CATSPERB: variants seen among roughly 807,000 people sequenced by gnomAD.
The protein encoded by CATSPERB is cation channel sperm-associated auxiliary subunit beta.
A neutral mutation model predicts 128.3 loss-of-function variants in CATSPERB; 93 were observed. That is an observed-to-expected ratio of 0.72 (90% CI 0.61 to 0.86). CATSPERB has a LOEUF of 0.86. Among genes scored for constraint, CATSPERB ranks in the 40% least tolerant of loss-of-function variants. The pLI is 0.00. For missense variants in CATSPERB, 1,153 were observed against 1,329.5 expected (o/e 0.87, Z 2.06); for synonymous variants, 381 against 448.8 (o/e 0.85, Z 1.91).
chr14:91,586,321 A>G lies in CATSPERB; in HGVS notation c.3132+881T>C, dbSNP rs137932329. 4.1e-4 allele frequency among the ~76,000 whole-genome samples: 63 copies of G among 152,200 alleles called. 1 individual carries two copies. In the East Asian group the frequency reaches 0.01, roughly 25 times the overall value. The stretch of plus-strand genomic sequence containing the variant: ...CTGTGCTATTGTGCTGTTCCCCACA[A>G]CCAGGGCTGCTCTTGGGCCAAAGAG... On this transcript the variant is annotated intron_variant, in intron 26 of 26. Transcript: ENST00000256343.
At chr14:91,581,990 C>T (rs1416018586) in intron 26 of CATSPERB, among the ~76,000 whole-genome samples, 1 of 152,164 alleles carries the variant, frequency 6.6e-6, no homozygotes, top group Admixed American at 6.5e-5. Context: ...CCCAGTGACC[C>T]AAGGAGGTAG....
At chr14:91,658,354 T>G (rs1374410910) in intron 15 of CATSPERB, among the ~76,000 whole-genome samples, 2 of 151,758 alleles carry the variant, frequency 1.3e-5, no homozygotes, top group East Asian at 1.9e-4. Context: ...CTCACAGACA[T>G]AGAGAGTAGA....
At chr14:91,683,976 T>C in intron 10 of CATSPERB, 33 bp from the exon 11 acceptor site, 1 of 1,407,766 alleles carries the variant, frequency 7.1e-7, no homozygotes, top group East Asian at 2.3e-5. Context: ...ACTTAGCCAA[T>C]ATGTAGACTT....
chr14:91,609,515 A>G (rs958007970), intron 21 of CATSPERB, among the ~76,000 whole-genome samples: 1 of 152,178 alleles, frequency 6.6e-6, no homozygotes, highest in Admixed American at 6.5e-5. Flanking sequence ...TTATGCAGTT[A>G]TGATTTAATA....
intron 26 of CATSPERB, among the ~76,000 whole-genome samples, chr14:91,586,571 A>AGAGAGAGAAAGAGAGAG (rs374162982): frequency 0.031 from 3,580 of 113,956 alleles, 118 homozygotes; most frequent in Admixed American, 0.048. Context: ...GAGAGAGAGA[A>AGAGAGAGAAAGAGAGAG]AGAGAGAGAG....
chr14:91,646,590 C>G (rs530766817), intron 15 of CATSPERB, among the ~76,000 whole-genome samples: 1 of 152,340 alleles, frequency 6.6e-6, no homozygotes, highest in African/African-American at 2.4e-5. Flanking sequence ...TCCAGTCCCT[C>G]TCTGACCTTA....
chr14:91,593,939 T>C (rs1200650418), intron 22 of CATSPERB, among the ~76,000 whole-genome samples: 3 of 152,210 alleles, frequency 2.0e-5, no homozygotes, highest in African/African-American at 4.8e-5. Flanking sequence ...GCTATTCTCA[T>C]GATAGTGAAT....
At chr14:91,600,290 G>A (rs531039100) in intron 22 of CATSPERB, among the ~76,000 whole-genome samples, 14 of 152,206 alleles carry the variant, frequency 9.2e-5, no homozygotes, top group Admixed American at 6.5e-4. Flanking sequence ...CATTAAAAAA[G>A]CAATTATTAT....
chr14:91,624,890 G>A lies in CATSPERB; in HGVS notation c.1860C>T (p.Ser620=), dbSNP rs139363785. The A allele has an allele frequency of 5.8e-3, 9,312 of 1,612,398 alleles. 30 individuals are homozygous for A. Among genetic ancestry groups the A allele is most frequent in the African/African-American group, 7.4e-3 (555 of 74,944 alleles). ...EPFGLEEVNE[S]SCLSSSLLIN... ...TCAAAAGGGAACTAGACAAACAAGAGCTCTCATTCACTTCTTCTAATCCAA... is the reference window on the plus strand; with the variant it reads ...TCAAAAGGGAACTAGACAAACAAGAACTCTCATTCACTTCTTCTAATCCAA... The change falls in exon 18 of 27, where the codon AGC becomes AGT. Residue 620 remains serine (S), a synonymous_variant. Coordinates refer to ENST00000256343, the MANE Select transcript of CATSPERB (RefSeq NM_024764.4).
chr14:91,590,269 C>T (rs1207880483), intron 23 of CATSPERB, among the ~76,000 whole-genome samples: 3 of 152,130 alleles, frequency 2.0e-5, no homozygotes, highest in Admixed American at 6.5e-5. Context: ...ATGGCTCACG[C>T]TTATAAATCC....
At chr14:91,703,255 G>A (rs925680817) in intron 7 of CATSPERB, among the ~76,000 whole-genome samples, 1 of 152,124 alleles carries the variant, frequency 6.6e-6, no homozygotes, top group African/African-American at 2.4e-5. Flanking sequence ...TAATGACATT[G>A]TGATATTGTG....
intron 20 of CATSPERB, among the ~76,000 whole-genome samples, chr14:91,610,974 G>C (rs1224320767): frequency 1.3e-5 from 2 of 152,058 alleles, no homozygotes; most frequent in East Asian, 3.9e-4. Flanking sequence ...AGCCAAGTAG[G>C]GGGGCTGCAG....
intron 5 of CATSPERB, among the ~76,000 whole-genome samples, chr14:91,708,777 G>A (rs1367933321): frequency 6.6e-6 from 1 of 152,248 alleles, no homozygotes; most frequent in Non-Finnish European, 1.5e-5. Context: ...TACATTAAAT[G>A]TAAGTGGTCT....
intron 17 of CATSPERB, among the ~76,000 whole-genome samples, chr14:91,631,137 G>A (rs1425527497): frequency 6.6e-6 from 1 of 152,160 alleles, no homozygotes. Flanking sequence ...TGGTTTACCT[G>A]TTTATCACCT....
rs1374274486 is a variant in CATSPERB, at chr14:91,691,515, CT to C, written c.864+7del. ...CTAACCAGCCCTGGGAAATATAAAG[CT>C]TCTTACCCTTTCAAAACCACAAAAG... On this transcript the variant is annotated splice_region_variant and intron_variant, in intron 10 of 26. Transcript: ENST00000256343. 6 of 1,599,010 alleles carry C rather than the reference CT, an allele frequency of 3.8e-6. No individual in the cohort carries two copies. The highest frequency in any genetic ancestry group is 4.3e-6 in the Non-Finnish European group (5 of 1,172,430).
chr14:91,723,304 T>C, intron 3 of CATSPERB, 115 bp from the exon 4 acceptor site: 2 of 660,568 alleles, frequency 3.0e-6, no homozygotes. Context: ...AAAATATATA[T>C]ATTTATACAA....
intron 15 of CATSPERB, among the ~76,000 whole-genome samples, chr14:91,648,913 A>G (rs1170164954): frequency 6.6e-6 from 1 of 151,590 alleles, no homozygotes; most frequent in Non-Finnish European, 1.5e-5. Context: ...AAGGCCGCTC[A>G]CCCAGACCAC....
intron 11 of CATSPERB, among the ~76,000 whole-genome samples, chr14:91,674,915 T>A (rs924440958): frequency 2.0e-5 from 3 of 152,202 alleles, no homozygotes; most frequent in African/African-American, 7.2e-5. Context: ...CCACCCCAAG[T>A]TCCCCCTTCT....
chr14:91,657,590 G>C (rs1277430097), intron 15 of CATSPERB, among the ~76,000 whole-genome samples: 1 of 151,996 alleles, frequency 6.6e-6, no homozygotes, highest in Non-Finnish European at 1.5e-5. Flanking sequence ...ACAATCCACA[G>C]AACAGAAGAA....
Sources: gnomAD v4.1 joint callset for allele counts (sites outside exome capture counted in the v4.1 genomes callset) on GRCh38, gnomAD v4.1.1 for gene constraint, MANE v1.5 for transcripts, NCBI Gene and HGNC (gene_info 2026-07-23, HGNC 2026-07-21) for gene names.